Variants in ARHGAP15 observed in about 807,000 individuals in gnomAD.
ARHGAP15 encodes rho GTPase-activating protein 15.
In ARHGAP15, 51 loss-of-function variants were observed where a neutral mutation model predicts 63.7. The ratio of observed to expected loss-of-function variants is 0.80; its 90% CI spans 0.64 to 1.01. The LOEUF is 1.01. Among genes scored for constraint, ARHGAP15 ranks in the 50% least tolerant of loss-of-function variants. The pLI, the probability that ARHGAP15 is intolerant of heterozygous loss-of-function variation, is 0.00. For synonymous variants in ARHGAP15, 191 were observed against 193.8 expected, an observed-to-expected ratio of 0.99 and a Z score of 0.12; for missense variants, 560 against 564.6, an observed-to-expected ratio of 0.99 and a Z score of 0.08.
intron 6 of ARHGAP15, among the ~76,000 whole-genome samples, chr2:143,351,728 T>C (rs993404735): frequency 2.0e-5 from 3 of 152,298 alleles, no homozygotes; most frequent in African/African-American, 7.2e-5. Flanking sequence ...TTTTCAATCT[T>C]GTGTCTACAT....
At chr2:143,138,544 A>G (rs542481152) in intron 1 of ARHGAP15, among the ~76,000 whole-genome samples, 1 of 152,278 alleles carries the variant, frequency 6.6e-6, no homozygotes, top group Non-Finnish European at 1.5e-5. Context: ...AATATTGCCT[A>G]TGCAGAAGTG....
At chr2:143,702,818 CT>C (rs2105421614) in intron 12 of ARHGAP15, among the ~76,000 whole-genome samples, 1 of 152,238 alleles carries the variant, frequency 6.6e-6, no homozygotes, top group African/African-American at 2.4e-5. Flanking sequence ...CTCATATCAC[CT>C]TTTCTGACTC....
At chr2:143,603,808 A>G (rs1029184093) in intron 11 of ARHGAP15, among the ~76,000 whole-genome samples, 2 of 152,200 alleles carry the variant, frequency 1.3e-5, no homozygotes, top group Admixed American at 6.5e-5. Flanking sequence ...TCAGTGGAAA[A>G]GTAGTTATCC....
intron 6 of ARHGAP15, among the ~76,000 whole-genome samples, chr2:143,267,555 A>T (rs534961851): frequency 2.6e-4 from 40 of 152,160 alleles, no homozygotes; most frequent in Non-Finnish European, 5.4e-4. Flanking sequence ...TGAAATAAGT[A>T]TTTTCTGAAG....
intron 6 of ARHGAP15, among the ~76,000 whole-genome samples, chr2:143,330,789 G>A (rs1473686756): frequency 1.3e-5 from 2 of 152,132 alleles, no homozygotes; most frequent in Non-Finnish European, 2.9e-5. Context: ...AATATGTTTG[G>A]TAACTGTCAA....
At chr2:143,165,805 C>A (rs755817435) in intron 2 of ARHGAP15, among the ~76,000 whole-genome samples, 2 of 151,958 alleles carry the variant, frequency 1.3e-5, no homozygotes, top group Non-Finnish European at 2.9e-5. Context: ...GGTAACCTTT[C>A]ATGGCAACTT....
intron 1 of ARHGAP15, among the ~76,000 whole-genome samples, chr2:143,140,129 T>G (rs141643876): frequency 6.6e-6 from 1 of 152,252 alleles, no homozygotes; most frequent in Non-Finnish European, 1.5e-5. Flanking sequence ...GCTATGATAA[T>G]TTTGGTTTAT....
At chr2:143,200,381 T>C (rs1692063750) in intron 2 of ARHGAP15, among the ~76,000 whole-genome samples, 1 of 152,074 alleles carries the variant, frequency 6.6e-6, no homozygotes, top group Non-Finnish European at 1.5e-5. Context: ...TCTGATTTTT[T>C]TTTTTTTTGG....
At chr2:143,285,215 C>T (rs1682032151) in intron 6 of ARHGAP15, among the ~76,000 whole-genome samples, 1 of 151,716 alleles carries the variant, frequency 6.6e-6, no homozygotes, top group African/African-American at 2.4e-5. Context: ...ACTTGTAAAC[C>T]CAATACTAAT....
At chr2:143,574,787 A>G (rs1456616421) in intron 11 of ARHGAP15, among the ~76,000 whole-genome samples, 2 of 152,140 alleles carry the variant, frequency 1.3e-5, no homozygotes, top group Non-Finnish European at 2.9e-5. Flanking sequence ...TTTCCTGTAG[A>G]CAGCAAACAC....
At chr2:143,417,563 T>TA (rs1437938804) in intron 6 of ARHGAP15, among the ~76,000 whole-genome samples, 2 of 152,198 alleles carry the variant, frequency 1.3e-5, no homozygotes, top group Admixed American at 6.5e-5. Flanking sequence ...TCTTATGCAG[T>TA]GGCTACCCTT....
At chr2:143,563,525 A>G (rs1336487269) in intron 11 of ARHGAP15, among the ~76,000 whole-genome samples, 1 of 152,232 alleles carries the variant, frequency 6.6e-6, no homozygotes, top group East Asian at 1.9e-4. Context: ...TAAATTGCAA[A>G]GAATAGCTTC....
Position 143,755,400 on chromosome 2 carries a change from G to A in ARHGAP15, c.1245-12589G>A, listed in dbSNP as rs146402803. On this transcript the variant is annotated intron_variant, in intron 13 of 13. Coordinates refer to ENST00000295095, the MANE Select transcript of ARHGAP15 (RefSeq NM_018460.4). Reference sequence around the variant, plus strand: ...CTGCAGTACATGTAAATGCATTACTGTTTTGAAGCAGTCTTTTCTATTTTT... The same window carrying A: ...CTGCAGTACATGTAAATGCATTACTATTTTGAAGCAGTCTTTTCTATTTTT... Among the ~76,000 whole-genome samples, 697 of 152,106 alleles carry A rather than the reference G, an allele frequency of 4.6e-3. 8 individuals carry two copies. Among genetic ancestry groups the A allele is most frequent in the African/African-American group, 0.015 (623 of 41,488 alleles).
chr2:143,626,468 T>C (rs990779282), intron 12 of ARHGAP15, among the ~76,000 whole-genome samples: 10 of 152,138 alleles, frequency 6.6e-5, no homozygotes, highest in Non-Finnish European at 1.2e-4. Flanking sequence ...TACAGCTCTT[T>C]AAGATGGCAC....
Position 143,172,882 on chromosome 2 carries a change from T to C in ARHGAP15, c.165+17227T>C, listed in dbSNP as rs1046352090. 5.9e-5 allele frequency among the ~76,000 whole-genome samples: 9 copies of C among 152,026 alleles called. No individual in the cohort carries two copies. In the South Asian group the frequency reaches 8.3e-4, roughly 14 times the overall value. ...AATTTTGATGTCAACAACCAACAGA[T>C]GGTATTTAATGCTACAGAAATAGCC... On this transcript the variant is annotated intron_variant, in intron 2 of 13. Transcript: ENST00000295095.
At chr2:143,311,246 G>A (rs891021918) in intron 6 of ARHGAP15, among the ~76,000 whole-genome samples, 4 of 150,684 alleles carry the variant, frequency 2.7e-5, no homozygotes, top group African/African-American at 7.3e-5. Flanking sequence ...ATTCAAAGAC[G>A]TCCAGTTTTA....
chr2:143,407,671 A>G (rs1375416442), intron 6 of ARHGAP15, among the ~76,000 whole-genome samples: 2 of 151,706 alleles, frequency 1.3e-5, no homozygotes, highest in African/African-American at 4.8e-5. Flanking sequence ...TATTCTCTTC[A>G]AAATCTTTGA....
intron 12 of ARHGAP15, among the ~76,000 whole-genome samples, chr2:143,652,151 T>C (rs1378332338): frequency 1.3e-5 from 2 of 152,034 alleles, no homozygotes; most frequent in Non-Finnish European, 2.9e-5. Flanking sequence ...AGTTCTCTAC[T>C]TTTTTCTTAT....
intron 6 of ARHGAP15, among the ~76,000 whole-genome samples, chr2:143,268,592 T>A (rs887544952): frequency 2.0e-5 from 3 of 152,168 alleles, no homozygotes; most frequent in African/African-American, 7.2e-5. Context: ...AGTTTATTTT[T>A]AAAAATTACA....
Sources: gnomAD v4.1 joint callset for allele counts (sites outside exome capture counted in the v4.1 genomes callset) on GRCh38, gnomAD v4.1.1 for gene constraint, MANE v1.5 for transcripts, NCBI Gene and HGNC (gene_info 2026-07-23, HGNC 2026-07-21) for gene names.